The following WDTC1 variants were observed in gnomAD, a reference collection of about 807,000 sequenced individuals.
The protein encoded by WDTC1 is WD and tetratricopeptide repeats 1.
WDTC1 carries 12 observed loss-of-function variants against 76.0 expected under a neutral mutation model. The observed-to-expected ratio is 0.16, with a 90% CI of 0.10 to 0.26. WDTC1 has a LOEUF of 0.26. WDTC1 is among the 10% of genes least tolerant of loss of function. WDTC1 has a pLI of 1.00. For missense variants in WDTC1, 511 were observed against 908.8 expected, an observed-to-expected ratio of 0.56 and a Z score of 5.63; for synonymous variants, 326 against 350.8, an observed-to-expected ratio of 0.93 and a Z score of 0.79.
chr1:27,267,492 C>A (rs186512064), intron 3 of WDTC1, among the ~76,000 whole-genome samples: 2 of 152,218 alleles, frequency 1.3e-5, no homozygotes, highest in East Asian at 3.9e-4. Context: ...GATCCACTCA[C>A]CTTATTTTTT....
chr1:27,304,586 C>T lies in WDTC1; in HGVS notation c.1644-415C>T, dbSNP rs563839113. 3.8e-3 allele frequency: 598 copies of T among 157,100 alleles called. 2 individuals are homozygous for T. Among genetic ancestry groups the T allele is most frequent in the Admixed American group, 6.8e-3 (108 of 15,782 alleles). 9.7% of individuals were successfully genotyped at this position (157,100 alleles called of 1,614,324 possible). A position where few individuals can be genotyped will look rare whatever the true frequency, so the allele number is the denominator to read the frequency against. On this transcript the variant is annotated intron_variant, in intron 14 of 15. Coordinates refer to ENST00000319394, the MANE Select transcript of WDTC1 (RefSeq NM_001276252.2). ...TCCAGCTTGGGTGACAGAATGAGAC[C>T]CTGTCTCTAAGAAAAAAAAAGAATC... is the stretch of plus-strand genomic sequence containing the variant.
intron 1 of WDTC1, 30 bp downstream of exon 1, chr1:27,234,981 G>T (rs1374317912): frequency 2.6e-6 from 1 of 384,968 alleles, no homozygotes; most frequent in Non-Finnish European, 4.6e-6. Flanking sequence ...CCTGCCCTCC[G>T]CGGGCGCCGA....
At position 27,303,707 on chromosome 1, in the gene WDTC1, C is replaced by T. The variant is rs2147995530; in HGVS notation, c.1555C>T (p.Leu519=). 1 of 1,614,040 alleles carries T rather than the reference C, an allele frequency of 6.2e-7. No individual in the cohort carries two copies. Among genetic ancestry groups the T allele is most frequent in the Non-Finnish European group, 8.5e-7 (1 of 1,179,950 alleles). The change falls in exon 14 of 16, where the codon CTG becomes TTG. Residue 519 remains leucine (L), a synonymous_variant. Transcript: ENST00000319394. The surrounding 1 kb of genome is among the most constrained non-coding windows in gnomAD (Gnocchi z 4.8). ...KDSISEDEMV[L]RERSYDYQFR... is the part of the protein sequence containing the mutation. ...CTCCATCTCAGAGGATGAAATGGTG[C>T]TGCGGGAGCGAAGCTACGACTATCA...
rs764422484 is a variant in WDTC1, at chr1:27,294,109, C to T, written c.750C>T (p.Tyr250=). Residue 250 remains tyrosine, a synonymous_variant, in exon 8 of 16, where the codon TAC becomes TAT. Transcript: ENST00000319394. ...TTCCGGACGGTGCAGCCCAGTATTA[C>T]GTAGCAGGTAGCGCTCAGCACAGCT... ...KPLPDGAAQY[Y]VAGHLPVKLP... The T allele has an allele frequency of 1.2e-5, 19 of 1,613,840 alleles. No individual in the cohort carries two copies. The highest frequency in any genetic ancestry group is 5.3e-5 in the African/African-American group (4 of 74,902).
intron 12 of WDTC1, among the ~76,000 whole-genome samples, chr1:27,299,237 G>A (rs1303040107): frequency 1.3e-5 from 2 of 152,200 alleles, no homozygotes; most frequent in Non-Finnish European, 2.9e-5. Context: ...CTAGGTACTA[G>A]GAACACAAAG....
chr1:27,289,481 G>A (rs1570977523), intron 6 of WDTC1, among the ~76,000 whole-genome samples: 2 of 151,660 alleles, frequency 1.3e-5, no homozygotes, highest in East Asian at 2.0e-4. Context: ...GCCGGGCAGA[G>A]ACGCTCCTCA....
chr1:27,270,660 C>T (rs1264720604), intron 3 of WDTC1, among the ~76,000 whole-genome samples: 1 of 152,140 alleles, frequency 6.6e-6, no homozygotes, highest in Non-Finnish European at 1.5e-5. Flanking sequence ...TGTGCCACTG[C>T]ACTCCAGCCT....
intron 7 of WDTC1, among the ~76,000 whole-genome samples, chr1:27,293,229 G>A (rs1428133360): frequency 4.0e-5 from 6 of 149,350 alleles, no homozygotes; most frequent in African/African-American, 7.4e-5. Context: ...TCAGGAGATC[G>A]AGACCATCCT....
In WDTC1 at chr1:27,263,255, C is replaced by T. The variant is rs763193114; in HGVS notation, c.132+20C>T. ...CTGCAGGTAAGAGATCCAGTTTGCA[C>T]CTTAGATGCAGATGGCCTGCTGTCC... On this transcript the variant is annotated intron_variant, in intron 3 of 15. Coordinates refer to ENST00000319394, the MANE Select transcript of WDTC1 (RefSeq NM_001276252.2). 1.9e-6 allele frequency: 3 copies of T among 1,608,628 alleles called. No individual in the cohort carries two copies. Among genetic ancestry groups the T allele is most frequent in the Non-Finnish European group, 2.5e-6 (3 of 1,177,816 alleles).
intron 3 of WDTC1, among the ~76,000 whole-genome samples, chr1:27,279,157 A>G (rs1295059250): frequency 6.6e-6 from 1 of 152,174 alleles, no homozygotes; most frequent in Non-Finnish European, 1.5e-5. Flanking sequence ...CTCTTACCCT[A>G]CTAGAGTTCT....
At chr1:27,304,606 A>AG (rs2013909024) in intron 14 of WDTC1, 1 of 159,992 alleles carries the variant, frequency 6.3e-6, no homozygotes, top group Non-Finnish European at 1.4e-5. Flanking sequence ...AGAAAAAAAA[A>AG]GAATCCATCA....
chr1:27,298,034 C>T lies in WDTC1; in HGVS notation c.1155C>T (p.Tyr385=). Residue 385 remains tyrosine (Y), a synonymous_variant, in exon 12 of 16, where the codon TAC becomes TAT. Coordinates refer to ENST00000319394, the MANE Select transcript of WDTC1 (RefSeq NM_001276252.2). ...CQQWTQAIQL[Y]SKAVQRAPHN... ...AGTGGACCCAAGCCATTCAGCTTTA[C>T]AGCAAGGCTGTGCAGAGGGCCCCTC... 1 of 1,614,152 alleles carries T rather than the reference C, an allele frequency of 6.2e-7. No homozygotes were observed. Among genetic ancestry groups the T allele is most frequent in the Non-Finnish European group, 8.5e-7 (1 of 1,179,978 alleles).
In WDTC1 at chr1:27,287,731, C is replaced by T; in HGVS notation, c.349C>T (p.His117Tyr). Residue 117 changes from histidine to tyrosine, a missense_variant, in exon 6 of 16, where the codon CAT becomes TAT. Transcript: ENST00000319394. ...CACGGGGGCAGCCGACTCTAAGGTG[C>T]ATGTGCACGACCTGACAGTAAAGGA... ...LITGAADSKV[H>Y]VHDLTVKETI... The T allele has an allele frequency of 6.2e-7, 1 of 1,614,122 alleles. No homozygotes were observed. Among genetic ancestry groups the T allele is most frequent in the Middle Eastern group, 1.6e-4 (1 of 6,062 alleles).
At chr1:27,298,978 C>T (rs949159663) in intron 12 of WDTC1, among the ~76,000 whole-genome samples, 3 of 152,178 alleles carry the variant, frequency 2.0e-5, no homozygotes, top group Non-Finnish European at 4.4e-5. Context: ...TGCTGTCCCC[C>T]GGCCTTAGCT....
chr1:27,247,728 T>G (rs867064491), intron 1 of WDTC1, among the ~76,000 whole-genome samples: 1 of 151,586 alleles, frequency 6.6e-6, no homozygotes, highest in African/African-American at 2.4e-5. Context: ...TTTTTTTTTT[T>G]TCTTTGTGAG....
At position 27,303,261 on chromosome 1, in the gene WDTC1, C is replaced by CAAA. The variant is rs200592908; in HGVS notation, c.1469-346_1469-344dup. On this transcript the variant is annotated intron_variant, in intron 13 of 15. Transcript: ENST00000319394. This position sits in a 1 kb window ranked among gnomAD's most constrained non-coding sequence, Gnocchi z 4.8. ...TGCACTCCAGCCTGCGTGACCATCT[C>CAAA]AAAAAAAAAAAAAAAAGTCATCCAT... Among the ~76,000 whole-genome samples the CAAA allele has an allele frequency of 8.6e-5, 11 of 128,138 alleles. No homozygotes were observed. The highest frequency in any genetic ancestry group is 2.5e-4 in the South Asian group (1 of 4,034). 84.1% of individuals were successfully genotyped at this position (128,138 alleles called of 152,430 possible). A position where few individuals can be genotyped will look rare whatever the true frequency, so the allele number is the denominator to read the frequency against.
At chr1:27,279,465 C>A (rs1250411293) in intron 3 of WDTC1, among the ~76,000 whole-genome samples, 1 of 152,154 alleles carries the variant, frequency 6.6e-6, no homozygotes, top group Non-Finnish European at 1.5e-5. Flanking sequence ...TGGAGCCCGA[C>A]CAGAAATATA....
In WDTC1 at chr1:27,301,216, G is replaced by C. The variant is rs759618405; in HGVS notation, c.1233-10G>C. The C allele has an allele frequency of 9.9e-6, 16 of 1,612,384 alleles. No individual in the cohort carries two copies. The Admixed American group carries it at 2.7e-4, about 27-fold the overall frequency. ...CTCCACCTCCAAGCCGCTCTTCCCT[G>C]CCTTCCCAGGGATGGTGACCACTAT... is the stretch of plus-strand genomic sequence containing the variant. On this transcript the variant is annotated splice_polypyrimidine_tract_variant and intron_variant, in intron 12 of 15. Coordinates refer to ENST00000319394, the MANE Select transcript of WDTC1 (RefSeq NM_001276252.2). The surrounding 1 kb of genome is among the most constrained non-coding windows in gnomAD (Gnocchi z 5.8).
chr1:27,292,531 G>C, intron 7 of WDTC1, 134 bp downstream of exon 7: 2 of 789,562 alleles, frequency 2.5e-6, no homozygotes, highest in Non-Finnish European at 3.6e-6. Flanking sequence ...AGGCTCAAGC[G>C]ATCCTCCCAT....
Sources: gnomAD v4.1 joint callset for allele counts (sites outside exome capture counted in the v4.1 genomes callset) on GRCh38, gnomAD v4.1.1 for gene constraint, Gnocchi (gnomAD v3.1) non-coding constraint, MANE v1.5 for transcripts, NCBI Gene and HGNC (gene_info 2026-07-23, HGNC 2026-07-21) for gene names.